The following TRDN variants were observed in gnomAD, a reference collection of about 807,000 sequenced individuals.
The protein encoded by TRDN is triadin.
A neutral mutation model predicts 149.7 loss-of-function variants in TRDN; 161 were observed. That is an observed-to-expected ratio of 1.08 (90% CI 0.95 to 1.23). The LOEUF is 1.23. TRDN is among the 50% of genes most tolerant of loss of function. The pLI, the probability that TRDN is intolerant of heterozygous loss-of-function variation, is 0.00. For missense variants in TRDN, 896 were observed against 823.5 expected, an observed-to-expected ratio of 1.09 and a Z score of -1.08; for synonymous variants, 294 against 250.5, an observed-to-expected ratio of 1.17 and a Z score of -1.64.
intron 24 of TRDN, among the ~76,000 whole-genome samples, chr6:123,290,018 G>C (rs2114648691): frequency 6.6e-6 from 1 of 152,214 alleles, no homozygotes; most frequent in Middle Eastern, 3.4e-3. Context: ...GGGAGTCTTG[G>C]ACCCAAGACC....
intron 24 of TRDN, among the ~76,000 whole-genome samples, chr6:123,301,803 C>CA (rs1778439882): frequency 1.3e-5 from 1 of 79,804 alleles, no homozygotes; most frequent in African/African-American, 4.1e-5. Context: ...ATGAAAATAT[C>CA]TGGTGGTTAT....
Position 123,393,681 on chromosome 6 carries a change from G to T in TRDN, c.1052-4C>A. On this transcript the variant is annotated splice_polypyrimidine_tract_variant and splice_region_variant and intron_variant, in intron 12 of 40. Coordinates refer to ENST00000334268, the MANE Select transcript of TRDN (RefSeq NM_006073.4). ...GTTTCAGAAGCTTTTCCCGGCTCTTGGAATGAAAAAAACATAAATTACCAT... is the reference window on the plus strand; with the variant it reads ...GTTTCAGAAGCTTTTCCCGGCTCTTTGAATGAAAAAAACATAAATTACCAT... 1 of 1,600,790 alleles carries T rather than the reference G, an allele frequency of 6.2e-7. No individual in the cohort carries two copies. The highest frequency in any genetic ancestry group is 1.7e-5 in the Admixed American group (1 of 58,606).
chr6:123,426,698 C>T (rs72976572), intron 12 of TRDN, among the ~76,000 whole-genome samples: 1 of 152,232 alleles, frequency 6.6e-6, no homozygotes, highest in Non-Finnish European at 1.5e-5. Context: ...TTAGCATTAA[C>T]TACTTCATCT....
At chr6:123,377,836 G>A (rs752830238) in intron 17 of TRDN, 30 bp downstream of exon 17, 3 of 1,599,658 alleles carry the variant, frequency 1.9e-6, no homozygotes, top group Admixed American at 3.4e-5. Context: ...TTATGAAATT[G>A]TGAGAACAGA....
At chr6:123,551,861 G>A (rs953375674) in intron 2 of TRDN, among the ~76,000 whole-genome samples, 3 of 152,004 alleles carry the variant, frequency 2.0e-5, no homozygotes, top group African/African-American at 2.4e-5. Flanking sequence ...TTGATTCTAA[G>A]GTCTCGTTTT....
At chr6:123,563,789 T>C (rs1255808904) in intron 2 of TRDN, among the ~76,000 whole-genome samples, 2 of 152,204 alleles carry the variant, frequency 1.3e-5, no homozygotes, top group Non-Finnish European at 2.9e-5. Context: ...TTGGAAGCTT[T>C]ACTTTTTTGT....
At chr6:123,544,533 C>A (rs1014510638) in intron 4 of TRDN, among the ~76,000 whole-genome samples, 2 of 151,870 alleles carry the variant, frequency 1.3e-5, no homozygotes, top group Non-Finnish European at 1.5e-5. Flanking sequence ...TGATGTATAC[C>A]CTGGTGTGAA....
chr6:123,490,095 A>G (rs563299492), intron 9 of TRDN, among the ~76,000 whole-genome samples: 23 of 152,338 alleles, frequency 1.5e-4, no homozygotes, highest in African/African-American at 4.6e-4. Flanking sequence ...AATTGATTAT[A>G]CAAGTGAAAT....
chr6:123,244,974 A>G (rs1164364235), intron 38 of TRDN, among the ~76,000 whole-genome samples: 1 of 152,190 alleles, frequency 6.6e-6, no homozygotes, highest in East Asian at 1.9e-4. Context: ...TTCAACCCAG[A>G]ATTGCATATC....
At chr6:123,478,853 C>T (rs924120350) in intron 9 of TRDN, among the ~76,000 whole-genome samples, 2 of 152,132 alleles carry the variant, frequency 1.3e-5, no homozygotes, top group African/African-American at 4.8e-5. Flanking sequence ...CCCCTGAAAA[C>T]ACTTTATGCT....
At chr6:123,266,258 A>ATG (rs1327574882) in intron 32 of TRDN, among the ~76,000 whole-genome samples, 50 of 99,178 alleles carry the variant, frequency 5.0e-4, no homozygotes, top group East Asian at 5.9e-4. Flanking sequence ...TATATATTAT[A>ATG]TATTATATAT....
chr6:123,380,134 C>G (rs1211902181), intron 16 of TRDN, among the ~76,000 whole-genome samples: 1 of 152,126 alleles, frequency 6.6e-6, no homozygotes, highest in African/African-American at 2.4e-5. Context: ...ACTATTTCTT[C>G]TCCTTATTGC....
chr6:123,377,673 T>C (rs370096370), intron 18 of TRDN, 43 bp downstream of exon 18: 645 of 1,610,824 alleles, frequency 4.0e-4, no homozygotes, highest in Admixed American at 6.0e-4. Flanking sequence ...TAATAAACAC[T>C]GGACATGAGT....
Position 123,259,670 on chromosome 6 carries a change from A to G in TRDN, c.1832-8T>C. The G allele has an allele frequency of 6.9e-7, 1 of 1,453,850 alleles. No individual in the cohort carries two copies. Among genetic ancestry groups the G allele is most frequent in the Non-Finnish European group, 9.3e-7 (1 of 1,079,076 alleles). 90.1% of individuals were successfully genotyped at this position (1,453,850 alleles called of 1,614,324 possible). On this transcript the variant is annotated splice_polypyrimidine_tract_variant and splice_region_variant and intron_variant, in intron 34 of 40. Coordinates refer to ENST00000334268, the MANE Select transcript of TRDN (RefSeq NM_006073.4). The stretch of plus-strand genomic sequence containing the variant: ...TTTCAGTTTTCTTCTTTCCTAGGGG[A>G]AAGAAAAACAACAAGAAACCATCAT...
At chr6:123,509,174 G>GTGTGTA (rs1376242331) in intron 7 of TRDN, among the ~76,000 whole-genome samples, 1 of 151,836 alleles carries the variant, frequency 6.6e-6, no homozygotes, top group African/African-American at 2.4e-5. Flanking sequence ...GTATGTTTGT[G>GTGTGTA]TGTGTATGTG....
At chr6:123,283,615 G>A (rs1777683123) in intron 24 of TRDN, among the ~76,000 whole-genome samples, 1 of 151,448 alleles carries the variant, frequency 6.6e-6, no homozygotes, top group South Asian at 2.1e-4. Flanking sequence ...AAAAATGGGA[G>A]ATATTACAAC....
At chr6:123,544,926 C>T (rs1470221733) in intron 4 of TRDN, among the ~76,000 whole-genome samples, 2 of 151,948 alleles carry the variant, frequency 1.3e-5, no homozygotes, top group South Asian at 4.1e-4. Flanking sequence ...TGAGATTAGT[C>T]GACTACACCA....
chr6:123,537,455 C>A (rs1341882082), intron 4 of TRDN, among the ~76,000 whole-genome samples: 1 of 152,082 alleles, frequency 6.6e-6, no homozygotes, highest in African/African-American at 2.4e-5. Context: ...GGAGAATTTT[C>A]TTGTTCTCAT....
intron 9 of TRDN, among the ~76,000 whole-genome samples, chr6:123,492,474 C>T (rs908572485): frequency 8.5e-5 from 13 of 152,102 alleles, no homozygotes; most frequent in African/African-American, 2.7e-4. Flanking sequence ...GTCTCTTTAA[C>T]TTGGGTGACT....
Sources: gnomAD v4.1 joint callset for allele counts (sites outside exome capture counted in the v4.1 genomes callset) on GRCh38, gnomAD v4.1.1 for gene constraint, MANE v1.5 for transcripts, NCBI Gene and HGNC (gene_info 2026-07-23, HGNC 2026-07-21) for gene names.